The following SDK1 variants were observed in gnomAD, a reference collection of about 807,000 sequenced individuals.
SDK1 encodes the protein sidekick cell adhesion molecule 1.
SDK1 carries 157 observed loss-of-function variants against 245.5 expected under a neutral mutation model. The observed-to-expected ratio is 0.64, with a 90% CI of 0.56 to 0.73. The LOEUF (loss-of-function observed/expected upper bound fraction) is 0.73. SDK1 is among the 30% of genes least tolerant of loss of function. SDK1 has a pLI of 0.00. For synonymous variants in SDK1, 1,647 were observed against 1,278.5 expected (o/e 1.29, Z -6.15); for missense variants, 3,583 against 3,002.3 (o/e 1.19, Z -4.52).
chr7:3,422,533 C>G (rs1356102656), intron 1 of SDK1, among the ~76,000 whole-genome samples: 2 of 152,120 alleles, frequency 1.3e-5, no homozygotes, highest in African/African-American at 2.4e-5. Flanking sequence ...TGGCTCATGC[C>G]TGTAACCCTA....
In SDK1 at chr7:4,027,480, G is replaced by A. The variant is rs534193494; in HGVS notation, c.2602+10128G>A. Among the ~76,000 whole-genome samples the A allele has an allele frequency of 6.3e-4, 96 of 152,270 alleles. 1 individual carries two copies. The highest frequency in any genetic ancestry group is 2.2e-3 in the African/African-American group (93 of 41,556). On this transcript the variant is annotated intron_variant, in intron 17 of 44. Coordinates refer to ENST00000404826, the MANE Select transcript of SDK1 (RefSeq NM_152744.4). Reference sequence around the variant, plus strand: ...TGCTCATTCCTTACTGCAGAGGCCTGGATATTCACATCCACCTGGCCCAGG... The same window carrying A: ...TGCTCATTCCTTACTGCAGAGGCCTAGATATTCACATCCACCTGGCCCAGG...
intron 28 of SDK1, among the ~76,000 whole-genome samples, chr7:4,144,984 C>T (rs1584282453): frequency 6.6e-6 from 1 of 152,178 alleles, no homozygotes; most frequent in East Asian, 1.9e-4. Flanking sequence ...CAAGGTTCCT[C>T]CAGATGCCAG....
intron 1 of SDK1, among the ~76,000 whole-genome samples, chr7:3,598,420 T>C (rs1486851375): frequency 6.6e-6 from 1 of 152,236 alleles, no homozygotes; most frequent in Non-Finnish European, 1.5e-5. Context: ...GAGATCATTG[T>C]AGACTCAAAT....
intron 13 of SDK1, among the ~76,000 whole-genome samples, chr7:3,975,126 C>T (rs1357211774): frequency 6.6e-6 from 1 of 152,186 alleles, no homozygotes; most frequent in Non-Finnish European, 1.5e-5. Context: ...TCAATCTCCC[C>T]CGTCTCTGCT....
chr7:3,394,290 C>T (rs545306635), intron 1 of SDK1, among the ~76,000 whole-genome samples: 45 of 151,996 alleles, frequency 3.0e-4, no homozygotes, highest in Admixed American at 2.5e-3. Flanking sequence ...ATTTGGTGAA[C>T]GTATTATCTA....
chr7:3,817,493 C>G (rs948357956), intron 4 of SDK1, among the ~76,000 whole-genome samples: 1 of 152,186 alleles, frequency 6.6e-6, no homozygotes, highest in African/African-American at 2.4e-5. Context: ...CTTACTCTTC[C>G]TTCCTGGTCT....
intron 1 of SDK1, among the ~76,000 whole-genome samples, chr7:3,339,697 T>A (rs1417232623): frequency 1.3e-5 from 2 of 152,048 alleles, no homozygotes; most frequent in African/African-American, 4.8e-5. Context: ...AATGAAAATA[T>A]GTTATTAAAT....
At position 3,398,233 on chromosome 7, in the gene SDK1, G is replaced by A. The variant is rs550734623; in HGVS notation, c.298+96349G>A. ...TTCTTTGGGCTTCCCTAGAAATACC[G>A]CCTTAAGTAGAGTCTGTACCTTGCA... On this transcript the variant is annotated intron_variant, in intron 1 of 44. Coordinates refer to ENST00000404826, the MANE Select transcript of SDK1 (RefSeq NM_152744.4). 9.2e-5 allele frequency among the ~76,000 whole-genome samples: 14 copies of A among 152,016 alleles called. No homozygotes were observed. The South Asian group carries it at 1.9e-3, about 20-fold the overall frequency.
chr7:4,032,071 C>G (rs902397576), intron 17 of SDK1, among the ~76,000 whole-genome samples: 1 of 150,990 alleles, frequency 6.6e-6, no homozygotes, highest in Non-Finnish European at 1.5e-5. Context: ...ATCGATCGAT[C>G]GATCATGTCC....
chr7:3,780,794 A>G (rs1780707586), intron 4 of SDK1, among the ~76,000 whole-genome samples: 1 of 151,948 alleles, frequency 6.6e-6, no homozygotes, highest in African/African-American at 2.4e-5. Flanking sequence ...GTCTTGCTTG[A>G]TCTAGAAAGT....
At chr7:3,414,330 G>A (rs1779301625) in intron 1 of SDK1, among the ~76,000 whole-genome samples, 2 of 152,232 alleles carry the variant, frequency 1.3e-5, no homozygotes, top group South Asian at 2.1e-4. Flanking sequence ...CCCAGCCCAC[G>A]GAGGAGGAGA....
chr7:4,197,830 A>C (rs898798899), intron 35 of SDK1, among the ~76,000 whole-genome samples: 2 of 151,684 alleles, frequency 1.3e-5, no homozygotes, highest in African/African-American at 2.4e-5. Flanking sequence ...TCTCAGGGAG[A>C]CCCCCACCCA....
chr7:3,611,874 G>C (rs1388514832), intron 1 of SDK1, among the ~76,000 whole-genome samples: 1 of 152,062 alleles, frequency 6.6e-6, no homozygotes, highest in Non-Finnish European at 1.5e-5. Flanking sequence ...TTACACTGGT[G>C]GTGAGAATGT....
At chr7:3,655,493 ATATATATATATGTATG>A (rs1562634407) in intron 4 of SDK1, among the ~76,000 whole-genome samples, 6 of 65,406 alleles carry the variant, frequency 9.2e-5, no homozygotes, top group East Asian at 6.3e-4. Flanking sequence ...ATATATATAT[ATATATATATATGTATG>A]TATGTATATA....
intron 1 of SDK1, among the ~76,000 whole-genome samples, chr7:3,401,521 T>C (rs574164095): frequency 6.6e-6 from 1 of 152,270 alleles, no homozygotes; most frequent in East Asian, 1.9e-4. Context: ...TTTTATGGTT[T>C]GCTGGGGGAA....
intron 1 of SDK1, among the ~76,000 whole-genome samples, chr7:3,579,252 C>T (rs1398310232): frequency 6.7e-6 from 1 of 149,716 alleles, no homozygotes; most frequent in Non-Finnish European, 1.5e-5. Flanking sequence ...AGCCAATATC[C>T]TTGATGAACG....
intron 17 of SDK1, among the ~76,000 whole-genome samples, chr7:4,035,607 T>G (rs1788151879): frequency 6.6e-6 from 1 of 152,220 alleles, no homozygotes; most frequent in Non-Finnish European, 1.5e-5. Context: ...GAAATGAGAT[T>G]TTCAGCCCAG....
intron 24 of SDK1, 115 bp downstream of exon 24, chr7:4,113,554 A>T (rs560862749): frequency 5.4e-4 from 682 of 1,261,200 alleles, no homozygotes; most frequent in Non-Finnish European, 7.1e-4. Flanking sequence ...GTCAAAACTA[A>T]TCTCATCGTC....
intron 1 of SDK1, among the ~76,000 whole-genome samples, chr7:3,507,478 A>C (rs1178420386): frequency 6.6e-6 from 1 of 152,074 alleles, no homozygotes. Context: ...GTGTCAGGAA[A>C]CCATTGTTTC....
Sources: gnomAD v4.1 joint callset for allele counts (sites outside exome capture counted in the v4.1 genomes callset) on GRCh38, gnomAD v4.1.1 for gene constraint, MANE v1.5 for transcripts, NCBI Gene and HGNC (gene_info 2026-07-23, HGNC 2026-07-21) for gene names.